Variants in CCDC169 observed in about 807,000 individuals in gnomAD.
The protein encoded by CCDC169 is coiled-coil domain-containing protein 169.
Under a neutral mutation model 36.0 loss-of-function variants are expected in CCDC169, and 30 were observed. The ratio of observed to expected loss-of-function variants is 0.83; its 90% CI spans 0.62 to 1.13. CCDC169 has a LOEUF of 1.13. CCDC169 is among the 50% of genes most tolerant of loss of function. The probability of loss-of-function intolerance (pLI) is 0.00; values close to 1 mark genes in which losing one functional copy is unlikely to be tolerated. For synonymous variants in CCDC169, 85 were observed against 81.5 expected (o/e 1.04, Z -0.23); for missense variants, 245 against 245.9 (o/e 1.00, Z 0.03).
At chr13:36,242,098 G>A (rs552791386) in intron 7 of CCDC169, among the ~76,000 whole-genome samples, 3 of 152,206 alleles carry the variant, frequency 2.0e-5, no homozygotes, top group Middle Eastern at 3.4e-3. Context: ...CACAGCTTGC[G>A]GGACTGTGAT....
intron 2 of CCDC169, among the ~76,000 whole-genome samples, chr13:36,288,573 T>C (rs1282418586): frequency 6.6e-6 from 1 of 152,174 alleles, no homozygotes; most frequent in East Asian, 1.9e-4. Context: ...ATTTCTAAAA[T>C]TGTAGAATGG....
intron 6 of CCDC169, among the ~76,000 whole-genome samples, chr13:36,249,628 C>T (rs1410625): frequency 0.23 from 34,800 of 152,036 alleles, 4,548 homozygotes; most frequent in East Asian, 0.38. Flanking sequence ...GACAGTTAAT[C>T]GTAAAGTAAA....
Position 36,248,665 on chromosome 13 carries a change from T to A in CCDC169, c.486A>T (p.Gln162His), listed in dbSNP as rs1428896647. Residue 162 changes from glutamine to histidine, a missense_variant, in exon 7 of 8, where the codon CAA (glutamine) becomes CAT (histidine). Coordinates refer to ENST00000239859, the MANE Select transcript of CCDC169 (RefSeq NM_001144981.3). ...AEMSQGSGLH[Q>H]VSKRQQVDQL... is the part of the protein sequence containing the mutation. Reference sequence around the variant, plus strand: ...GATCCACCTGTTGCCTTTTAGAAACTTGATGTAAACCAGAACCCTGAAATA... The same window carrying A: ...GATCCACCTGTTGCCTTTTAGAAACATGATGTAAACCAGAACCCTGAAATA... 6.4e-7 allele frequency: 1 copy of A among 1,550,470 alleles called. No homozygotes were observed. Among genetic ancestry groups the A allele is most frequent in the Non-Finnish European group, 8.7e-7 (1 of 1,146,334 alleles).
chr13:36,222,759 AGAAAAT>A (rs931023603), downstream of CCDC169: 8 of 152,248 alleles, frequency 5.3e-5, no homozygotes, highest in Non-Finnish European at 1.0e-4. Flanking sequence ...TACAAGAAGC[AGAAAAT>A]GAAACCCGAA....
At chr13:36,223,950 A>C (rs573074952), downstream of CCDC169, 63 of 152,274 alleles carry the variant, frequency 4.1e-4, no homozygotes, top group Admixed American at 1.7e-3. Context: ...ACTAAAATTG[A>C]TATAGGTAAC....
chr13:36,282,502 G>C, intron 4 of CCDC169: 1 of 985,224 alleles, frequency 1.0e-6, no homozygotes, highest in Non-Finnish European at 1.2e-6. Flanking sequence ...GGATTCATGA[G>C]TACCAAACAC....
intron 7 of CCDC169, among the ~76,000 whole-genome samples, chr13:36,246,942 AGAG>A (rs1351271179): frequency 6.6e-6 from 1 of 152,214 alleles, no homozygotes; most frequent in Non-Finnish European, 1.5e-5. Context: ...TCCTAGCTAG[AGAG>A]GAGAAGACAA....
Position 36,270,666 on chromosome 13 carries a change from T to A in CCDC169, c.315+12803A>T, listed in dbSNP as rs147048460. On this transcript the variant is annotated intron_variant, in intron 4 of 7. Transcript: ENST00000239859. ...CGACAAAGCATACAAAAACATAACT[T>A]AGGGAATGGACCCTCTTTTTAATAA... 1.6e-4 allele frequency among the ~76,000 whole-genome samples: 24 copies of A among 152,286 alleles called. No individual in the cohort carries two copies. The East Asian group carries it at 4.2e-3, about 27-fold the overall frequency.
At chr13:36,263,052 A>G (rs1468093152) in intron 4 of CCDC169, among the ~76,000 whole-genome samples, 2 of 152,196 alleles carry the variant, frequency 1.3e-5, no homozygotes, top group Non-Finnish European at 2.9e-5. Context: ...GTTAAAGCCC[A>G]GGGTTTGGCC....
At chr13:36,255,325 T>C (rs945384839) in intron 4 of CCDC169, among the ~76,000 whole-genome samples, 1 of 152,148 alleles carries the variant, frequency 6.6e-6, no homozygotes, top group South Asian at 2.1e-4. Context: ...GAGGGTCAGC[T>C]ACAGCTTCGG....
intron 4 of CCDC169, among the ~76,000 whole-genome samples, chr13:36,263,692 G>A (rs1371107116): frequency 6.6e-6 from 1 of 152,106 alleles, no homozygotes; most frequent in African/African-American, 2.4e-5. Context: ...ATATTTCTCA[G>A]GTAGGTATTA....
At chr13:36,285,127 A>C (rs1878012857) in intron 2 of CCDC169, among the ~76,000 whole-genome samples, 2 of 152,254 alleles carry the variant, frequency 1.3e-5, no homozygotes, top group Non-Finnish European at 2.9e-5. Flanking sequence ...GCAAGATGAG[A>C]ATGGTTACCA....
intron 2 of CCDC169, among the ~76,000 whole-genome samples, chr13:36,292,259 G>A (rs1331603150): frequency 6.6e-6 from 1 of 152,100 alleles, no homozygotes; most frequent in African/African-American, 2.4e-5. Flanking sequence ...CTCCCAAAGT[G>A]CTGGGATTAC....
intron 7 of CCDC169, among the ~76,000 whole-genome samples, chr13:36,245,388 C>T (rs2138437065): frequency 6.6e-6 from 1 of 152,146 alleles, no homozygotes; most frequent in Middle Eastern, 3.4e-3. Context: ...CAGCCTTGAA[C>T]TCCTGGGCTC....
intron 4 of CCDC169, among the ~76,000 whole-genome samples, chr13:36,261,740 CAT>C (rs1264579798): frequency 6.6e-6 from 1 of 152,182 alleles, no homozygotes; most frequent in Non-Finnish European, 1.5e-5. Flanking sequence ...TAGAAGATAA[CAT>C]GTGCCTGTTC....
intron 6 of CCDC169, among the ~76,000 whole-genome samples, chr13:36,252,275 C>A (rs891209042): frequency 1.5e-4 from 23 of 152,202 alleles, no homozygotes; most frequent in Non-Finnish European, 8.8e-5. Context: ...TTGAGCTAAT[C>A]ATCCATTTAC....
At chr13:36,249,072 A>G (rs1276828468) in intron 6 of CCDC169, among the ~76,000 whole-genome samples, 1 of 152,246 alleles carries the variant, frequency 6.6e-6, no homozygotes, top group East Asian at 1.9e-4. Context: ...AGACAAGATA[A>G]TATTTTCATT....
intron 4 of CCDC169, among the ~76,000 whole-genome samples, chr13:36,261,834 C>T (rs1249535901): frequency 6.6e-6 from 1 of 152,190 alleles, no homozygotes; most frequent in Non-Finnish European, 1.5e-5. Flanking sequence ...TAGAAACATG[C>T]CACTGGGAAC....
At chr13:36,260,814 T>A (rs1343119176) in intron 4 of CCDC169, among the ~76,000 whole-genome samples, 1 of 152,204 alleles carries the variant, frequency 6.6e-6, no homozygotes, top group East Asian at 1.9e-4. Context: ...ACTCTAGAAC[T>A]TTCTTTTCTG....
Sources: gnomAD v4.1 joint callset for allele counts (sites outside exome capture counted in the v4.1 genomes callset) on GRCh38, gnomAD v4.1.1 for gene constraint, MANE v1.5 for transcripts, NCBI Gene and HGNC (gene_info 2026-07-23, HGNC 2026-07-21) for gene names.